Variants in MEF2C observed in about 807,000 individuals in gnomAD.
The protein encoded by MEF2C is myocyte enhancer factor 2C, also known as myocyte-specific enhancer factor 2C.
In MEF2C, 6 loss-of-function variants were observed where a neutral mutation model predicts 50.5. That is an observed-to-expected ratio of 0.12 (90% confidence interval 0.07 to 0.23). The LOEUF is 0.23. Among genes scored for constraint, MEF2C ranks in the 10% least tolerant of loss-of-function variants. MEF2C has a pLI of 1.00. For synonymous variants in MEF2C, 183 were observed against 228.0 expected, an observed-to-expected ratio of 0.80 and a Z score of 1.78; for missense variants, 276 against 605.0, an observed-to-expected ratio of 0.46 and a Z score of 5.70.
chr5:88,748,086 A>T, intron 6 of MEF2C: 1 of 985,232 alleles, frequency 1.0e-6, no homozygotes, highest in Non-Finnish European at 1.2e-6. Flanking sequence ...TCAGTGAATT[A>T]GTGAAGAGCC....
intron 3 of MEF2C, among the ~76,000 whole-genome samples, chr5:88,777,317 A>G (rs1785242195): frequency 6.6e-6 from 1 of 152,134 alleles, no homozygotes. Flanking sequence ...TTTACCAAGC[A>G]TGTACATGTG....
intron 2 of MEF2C, among the ~76,000 whole-genome samples, chr5:88,808,632 CTTAA>C (rs1339060209): frequency 9.9e-5 from 15 of 152,102 alleles, no homozygotes; most frequent in Admixed American, 9.8e-4. Context: ...AAAATCTACT[CTTAA>C]TTGCTCTAAA....
At chr5:88,723,362 A>G (rs1757098117) in intron 10 of MEF2C, among the ~76,000 whole-genome samples, 2 of 152,234 alleles carry the variant, frequency 1.3e-5, no homozygotes, top group Non-Finnish European at 1.5e-5. Flanking sequence ...TTTGAATATT[A>G]TTTTTAAAAG....
chr5:88,737,575 C>G, intron 6 of MEF2C: 1 of 985,308 alleles, frequency 1.0e-6, no homozygotes, highest in Non-Finnish European at 1.2e-6. Flanking sequence ...AACTTTTCAC[C>G]AAAAGATAAG....
chr5:88,732,564 C>T (rs1017390443), intron 6 of MEF2C: 1 of 152,252 alleles, frequency 6.6e-6, no homozygotes. Context: ...GTGATGATGC[C>T]TCCGCTAAAG....
At chr5:88,772,804 T>C in intron 3 of MEF2C, 1 of 985,456 alleles carries the variant, frequency 1.0e-6, no homozygotes, top group South Asian at 4.7e-5. Context: ...TTTTGGTTAT[T>C]CTATAGTGAT....
chr5:88,892,172 T>G (rs550668643), intron 1 of MEF2C: 19 of 152,298 alleles, frequency 1.2e-4, no homozygotes, highest in African/African-American at 4.6e-4. Context: ...TTCAGGTGCT[T>G]GTAGACATGG....
intron 1 of MEF2C, among the ~76,000 whole-genome samples, chr5:88,865,614 G>T (rs1401338403): frequency 6.6e-6 from 1 of 152,134 alleles, no homozygotes; most frequent in Non-Finnish European, 1.5e-5. Context: ...GTTTTATGGA[G>T]TCTTAGAGCG....
At chr5:88,750,511 G>A (rs1044199704) in intron 5 of MEF2C, among the ~76,000 whole-genome samples, 3 of 152,004 alleles carry the variant, frequency 2.0e-5, no homozygotes, top group African/African-American at 2.4e-5. Context: ...TCTGGCCTTC[G>A]TTACAGTTTA....
intron 6 of MEF2C, chr5:88,734,310 A>G (rs2152314180): frequency 2.0e-6 from 2 of 985,412 alleles, no homozygotes; most frequent in East Asian, 2.3e-4. Flanking sequence ...TATATAAACA[A>G]TCAAATGGAA....
chr5:88,739,224 T>C (rs1013872957), intron 6 of MEF2C: 1 of 981,136 alleles, frequency 1.0e-6, no homozygotes, highest in African/African-American at 1.7e-5. Flanking sequence ...TAATAGTATC[T>C]GATTTTGAGG....
At chr5:88,862,267 A>T (rs1449923905) in intron 1 of MEF2C, among the ~76,000 whole-genome samples, 1 of 152,130 alleles carries the variant, frequency 6.6e-6, no homozygotes, top group African/African-American at 2.4e-5. Context: ...TAGTATTTTT[A>T]TTTTCCTGTC....
At chr5:88,814,163 T>C (rs1478886885) in intron 2 of MEF2C, among the ~76,000 whole-genome samples, 1 of 152,160 alleles carries the variant, frequency 6.6e-6, no homozygotes, top group East Asian at 1.9e-4. Flanking sequence ...CTAAATGCTC[T>C]TTCTCCACCT....
intron 3 of MEF2C, among the ~76,000 whole-genome samples, chr5:88,779,208 C>T (rs1786465757): frequency 6.6e-6 from 1 of 152,132 alleles, no homozygotes; most frequent in African/African-American, 2.4e-5. Context: ...CAGCCATCAC[C>T]ATCATTCTGA....
chr5:88,731,357 A>G (rs1761465762), intron 7 of MEF2C: 1 of 166,512 alleles, frequency 6.0e-6, no homozygotes, highest in South Asian at 1.5e-4. Flanking sequence ...ATATTGTAAA[A>G]ATACTATGTT....
At chr5:88,818,907 A>G (rs1806908577) in intron 2 of MEF2C, among the ~76,000 whole-genome samples, 1 of 152,062 alleles carries the variant, frequency 6.6e-6, no homozygotes, top group East Asian at 1.9e-4. Context: ...TAATGGTTCA[A>G]AGAGCCTGAG....
At chr5:88,900,035 C>A (rs1416635197) in intron 1 of MEF2C, among the ~76,000 whole-genome samples, 4 of 151,986 alleles carry the variant, frequency 2.6e-5, no homozygotes, top group Admixed American at 6.6e-5. Context: ...AAAGCTAATA[C>A]TTCTTATAAG....
At chr5:88,734,698 A>T in intron 6 of MEF2C, 2 of 984,060 alleles carry the variant, frequency 2.0e-6, no homozygotes, top group Non-Finnish European at 2.4e-6. Context: ...GGGGAAAAAA[A>T]AGTAAATATA....
chr5:88,878,266 G>T (rs1017526520), intron 1 of MEF2C, among the ~76,000 whole-genome samples: 1 of 151,960 alleles, frequency 6.6e-6, no homozygotes, highest in Non-Finnish European at 1.5e-5. Flanking sequence ...TTGTGTACAG[G>T]TATGTTGTAT....
Sources: allele counts gnomAD v4.1 joint callset (sites outside exome capture counted in the v4.1 genomes callset), GRCh38; gene constraint gnomAD v4.1.1; transcripts MANE v1.5; gene names NCBI Gene and HGNC (gene_info 2026-07-23, HGNC 2026-07-21).